The following ERCC6 variants were observed in gnomAD, a reference collection of about 807,000 sequenced individuals.
The protein encoded by ERCC6 is DNA excision repair protein ERCC-6.
A neutral mutation model predicts 158.7 loss-of-function variants in ERCC6; 116 were observed. That is an observed-to-expected ratio of 0.73 (90% confidence interval 0.63 to 0.85). The LOEUF is 0.85. Ranked by LOEUF, ERCC6 falls within the 40% of genes least tolerant of loss-of-function variation. ERCC6 has a pLI of 0.00. For synonymous variants in ERCC6, 678 were observed against 659.3 expected, an observed-to-expected ratio of 1.03 and a Z score of -0.43; for missense variants, 1,698 against 1,799.4, an observed-to-expected ratio of 0.94 and a Z score of 1.02.
the ERCC6 span, among the ~76,000 whole-genome samples, chr10:49,447,687 G>C: frequency 2.1e-5 from 3 of 141,422 alleles, no homozygotes; most frequent in Admixed American, 7.3e-5. Context: ...CTGGGCAGCA[G>C]AGCAAGACTG....
Position 49,457,390 on chromosome 10 carries a change from A to T in ERCC6, c.*1425T>A, listed in dbSNP as rs1249091549. 2 of 152,242 alleles carry T rather than the reference A, an allele frequency of 1.3e-5. No individual in the cohort carries two copies. The allele number at this position is 152,242 out of a possible 1,614,324, so 9.4% of individuals were successfully genotyped here. Reference sequence around the variant, plus strand: ...AAACTAGAAAATCCTGACAGGAATCATATAGAACATCTCTAAGAAAAGGAT... The same window carrying T: ...AAACTAGAAAATCCTGACAGGAATCTTATAGAACATCTCTAAGAAAAGGAT... On this transcript the variant is annotated 3_prime_UTR_variant, in exon 21 of 21. Transcript: ENST00000355832.
At chr10:49,516,082 C>T in intron 5 of ERCC6, 1 of 1,614,078 alleles carries the variant, frequency 6.2e-7, no homozygotes, top group Non-Finnish European at 8.5e-7. Context: ...TGGTATTGTC[C>T]AGGGTGTGCC....
At chr10:49,453,523 G>A (rs1024182987), downstream of ERCC6, among the ~76,000 whole-genome samples, 4 of 152,032 alleles carry the variant, frequency 2.6e-5, no homozygotes, top group Admixed American at 2.0e-4. Flanking sequence ...CATCATATAC[G>A]TATTATTTGA....
chr10:49,508,892 G>A (rs943859956), intron 5 of ERCC6, among the ~76,000 whole-genome samples: 4 of 152,108 alleles, frequency 2.6e-5, no homozygotes, highest in African/African-American at 4.8e-5. Flanking sequence ...CATCCCAGAC[G>A]CTGCCAAGAG....
intron 5 of ERCC6, among the ~76,000 whole-genome samples, chr10:49,522,378 T>C (rs1454186807): frequency 6.6e-6 from 1 of 152,218 alleles, no homozygotes; most frequent in Non-Finnish European, 1.5e-5. Flanking sequence ...AATGTGGATA[T>C]CTGCAGTTTA....
At chr10:49,507,358 A>G (rs1446972953) in intron 5 of ERCC6, among the ~76,000 whole-genome samples, 2 of 152,198 alleles carry the variant, frequency 1.3e-5, no homozygotes, top group African/African-American at 2.4e-5. Context: ...GGTCATTTCC[A>G]GAGAAGAACA....
At chr10:49,508,202 A>G (rs1851476922) in intron 5 of ERCC6, among the ~76,000 whole-genome samples, 1 of 152,222 alleles carries the variant, frequency 6.6e-6, no homozygotes, top group Non-Finnish European at 1.5e-5. Flanking sequence ...ATTTTACAGA[A>G]GGAGAAATAA....
chr10:49,535,210 AAGGAAGCAGAT>A (rs1277698429), intron 1 of ERCC6, among the ~76,000 whole-genome samples: 1 of 152,232 alleles, frequency 6.6e-6, no homozygotes, highest in African/African-American at 2.4e-5. Flanking sequence ...GACTCTCAAA[AAGGAAGCAGAT>A]AGGAAGCAGG....
intron 5 of ERCC6, among the ~76,000 whole-genome samples, chr10:49,522,699 A>G (rs1488551566): frequency 6.6e-6 from 1 of 152,222 alleles, no homozygotes; most frequent in Non-Finnish European, 1.5e-5. Flanking sequence ...ATTTATAATC[A>G]ATATGTTGAG....
chr10:49,508,768 T>G (rs1851487034), intron 5 of ERCC6, among the ~76,000 whole-genome samples: 1 of 152,110 alleles, frequency 6.6e-6, no homozygotes, highest in African/African-American at 2.4e-5. Context: ...GACCATCTGA[T>G]GAGGGTCCAC....
rs774558508 is a variant in ERCC6, at chr10:49,472,487, G to C, written c.2830-17C>G. 3.7e-6 allele frequency: 6 copies of C among 1,611,874 alleles called. 1 individual carries two copies. The highest frequency in any genetic ancestry group is 3.3e-5 in the South Asian group (3 of 91,060). On this transcript the variant is annotated splice_polypyrimidine_tract_variant and intron_variant, in intron 15 of 20. Coordinates refer to ENST00000355832, the MANE Select transcript of ERCC6 (RefSeq NM_000124.4). ...CTCCCGGGCCTGCAACAGAGAGAGA[G>C]AGACCTCTCAACGAGAATCCTTCCC...
In ERCC6 at chr10:49,482,670, T is replaced by C. The variant is rs1189765496; in HGVS notation, c.2169+17A>G. The C allele has an allele frequency of 6.2e-7, 1 of 1,608,430 alleles. No individual in the cohort carries two copies. Among genetic ancestry groups the C allele is most frequent in the Admixed American group, 1.7e-5 (1 of 59,930 alleles). On this transcript the variant is annotated intron_variant, in intron 10 of 20. Transcript: ENST00000355832. Reference sequence around the variant, plus strand: ...AAATATTAAAATGCCAAAAGTATTATCATCCTAATATTTTACCTGTACTGG... The same window carrying C: ...AAATATTAAAATGCCAAAAGTATTACCATCCTAATATTTTACCTGTACTGG...
At chr10:49,460,495 G>A in intron 19 of ERCC6, 44 bp from the exon 20 acceptor site, 1 of 1,261,418 alleles carries the variant, frequency 7.9e-7, no homozygotes, top group Non-Finnish European at 1.2e-6. Flanking sequence ...GTTTGCTTTT[G>A]AGACTTAGAG....
chr10:49,536,224 G>A (rs528254791), intron 1 of ERCC6, among the ~76,000 whole-genome samples: 3 of 152,322 alleles, frequency 2.0e-5, no homozygotes, highest in African/African-American at 7.2e-5. Flanking sequence ...GGCCACAAGA[G>A]AGTGGCCTGT....
intron 5 of ERCC6, among the ~76,000 whole-genome samples, chr10:49,517,339 G>A (rs1391102813): frequency 6.6e-6 from 1 of 152,092 alleles, no homozygotes; most frequent in Non-Finnish European, 1.5e-5. Context: ...CCTGTCTTTG[G>A]ATACTCAAAA....
intron 1 of ERCC6, among the ~76,000 whole-genome samples, chr10:49,534,037 A>T (rs973675943): frequency 6.7e-6 from 1 of 149,286 alleles, no homozygotes; most frequent in Non-Finnish European, 1.5e-5. Context: ...GGGAGGCTGA[A>T]GCAGGAGAAT....
chr10:49,507,070 A>G (rs1418327264), intron 5 of ERCC6, among the ~76,000 whole-genome samples: 1 of 152,152 alleles, frequency 6.6e-6, no homozygotes, highest in East Asian at 1.9e-4. Context: ...GAGAAAATGA[A>G]AGGGTAATAC....
At chr10:49,496,609 A>G (rs1851270973) in intron 7 of ERCC6, among the ~76,000 whole-genome samples, 1 of 152,106 alleles carries the variant, frequency 6.6e-6, no homozygotes, top group Non-Finnish European at 1.5e-5. Flanking sequence ...GGAGTTTGAG[A>G]CCAGCCTGGC....
chr10:49,474,511 T>C (rs1410207334), intron 12 of ERCC6, among the ~76,000 whole-genome samples: 2 of 152,150 alleles, frequency 1.3e-5, no homozygotes, highest in Non-Finnish European at 2.9e-5. Flanking sequence ...TGATAATTCA[T>C]TTTCCCTCAC....
Sources: allele counts gnomAD v4.1 joint callset (sites outside exome capture counted in the v4.1 genomes callset), GRCh38; gene constraint gnomAD v4.1.1; transcripts MANE v1.5; gene names NCBI Gene and HGNC (gene_info 2026-07-23, HGNC 2026-07-21).